The following BMP8B variants were observed in gnomAD, a reference collection of about 807,000 sequenced individuals.
BMP8B encodes bone morphogenetic protein 8 (osteogenic protein 2).
A neutral mutation model predicts 30.3 loss-of-function variants in BMP8B; 17 were observed. That is an observed-to-expected ratio of 0.56 (90% CI 0.38 to 0.84). BMP8B has a LOEUF of 0.84. Among genes scored for constraint, BMP8B ranks in the 40% least tolerant of loss-of-function variants. BMP8B has a pLI of 0.00. For missense variants in BMP8B, 253 were observed against 494.6 expected (o/e 0.51, Z 4.63); for synonymous variants, 131 against 214.7 (o/e 0.61, Z 3.41).
intron 1 of BMP8B, among the ~76,000 whole-genome samples, chr1:39,785,490 T>A (rs1012166389): frequency 5.9e-5 from 9 of 152,230 alleles, no homozygotes; most frequent in African/African-American, 2.2e-4. Context: ...CACGGAGACC[T>A]GAGCCATGGT....
rs1179366728 is a variant in BMP8B at position 39,763,732 on chromosome 1, A to G, written c.928T>C (p.Phe310Leu). The G allele has an allele frequency of 1.9e-6, 3 of 1,602,656 alleles. No individual in the cohort carries two copies. The African/African-American group carries it at 4.1e-5, about 22-fold the overall frequency. Residue 310 changes from phenylalanine to leucine, a missense_variant, in exon 5 of 7, where the codon TTC (phenylalanine) becomes CTC (leucine). Physicochemically the swap from Phe to Leu is conservative, Grantham distance 22. Around this residue, in one of 7 missense-constraint regions of BMP8B, gnomAD observed 116 missense variants for 142.3 expected, o/e 0.81. Transcript: ENST00000372827. Reference sequence around the variant, plus strand: ...ATTACCAGCCAGCCGAGGTCCTGGAAGCTGACGTAGAGCTCGTGCCGACGG... The same window carrying G: ...ATTACCAGCCAGCCGAGGTCCTGGAGGCTGACGTAGAGCTCGTGCCGACGG... ...VCRRHELYVSFQDLGWLDWVI... is the reference protein window; with the variant it reads ...VCRRHELYVSLQDLGWLDWVI...
chr1:39,761,479 G>A (rs1648973231), intron 6 of BMP8B: 1 of 151,968 alleles, frequency 6.6e-6, no homozygotes, highest in African/African-American at 2.4e-5. Flanking sequence ...CCTTCTGGAG[G>A]GTGACATGGA....
intron 1 of BMP8B, among the ~76,000 whole-genome samples, chr1:39,787,658 G>T (rs1158806265): frequency 7.9e-5 from 12 of 152,008 alleles, no homozygotes; most frequent in Non-Finnish European, 8.8e-5. Flanking sequence ...CCTGACAGCC[G>T]CACCCCACCC....
At chr1:39,762,310 G>A (rs1187951930) in intron 6 of BMP8B, 10 of 539,010 alleles carry the variant, frequency 1.9e-5, no homozygotes, top group Non-Finnish European at 3.2e-5. Context: ...CGTGTGCTGC[G>A]ATTACAGGGT....
At chr1:39,774,810 G>T in intron 2 of BMP8B, 39 bp downstream of exon 2, 1 of 525,896 alleles carries the variant, frequency 1.9e-6, no homozygotes, top group Non-Finnish European at 3.2e-6. Flanking sequence ...ACTGTGAGGT[G>T]GGGGGTTAGG....
intron 4 of BMP8B, among the ~76,000 whole-genome samples, chr1:39,764,250 GC>G (rs1569794238): frequency 6.6e-6 from 1 of 152,182 alleles, no homozygotes; most frequent in East Asian, 1.9e-4. Context: ...GAAGGGCTTG[GC>G]CCAGTTGGGG....
chr1:39,772,068 G>GA (rs1650010289), intron 3 of BMP8B, among the ~76,000 whole-genome samples: 1 of 101,922 alleles, frequency 9.8e-6, no homozygotes, highest in African/African-American at 4.2e-5. Flanking sequence ...AAAGGTTCTG[G>GA]AAAGAGCTGT....
At chr1:39,783,836 G>C (rs544157450) in intron 1 of BMP8B, among the ~76,000 whole-genome samples, 2 of 152,366 alleles carry the variant, frequency 1.3e-5, no homozygotes, top group East Asian at 3.9e-4. Flanking sequence ...CTTGAGGCCA[G>C]GAGTTTGCAG....
At chr1:39,770,491 G>T in intron 3 of BMP8B, 2 of 1,610,320 alleles carry the variant, frequency 1.2e-6, no homozygotes, top group Non-Finnish European at 1.7e-6. Context: ...TGTCTTCTGG[G>T]GGGAAAGCCC....
In BMP8B at chr1:39,763,867, G is replaced by A. The variant is rs1050555897; in HGVS notation, c.869-76C>T. 6.8e-6 allele frequency: 10 copies of A among 1,472,572 alleles called. No individual in the cohort carries two copies. In the African/African-American group the frequency reaches 1.5e-4, roughly 22 times the overall value. The allele number at this position is 1,472,572 out of a possible 1,614,324, so 91.2% of individuals were successfully genotyped here. On this transcript the variant is annotated intron_variant, in intron 4 of 6. Transcript: ENST00000372827. ...GCTACTATGGGGTACCAGGGTGGGG[G>A]ATGCCCTGATGAGCACATTTGTCAA...
intron 3 of BMP8B, 34 bp from the exon 4 acceptor site, chr1:39,764,851 G>T: frequency 6.2e-7 from 1 of 1,604,296 alleles, no homozygotes; most frequent in African/African-American, 1.4e-5. Context: ...TCACTCACGG[G>T]CAGTGGCCCT....
rs1432507259 is a variant in BMP8B at position 39,758,777 on chromosome 1, C to G, written c.*1642G>C. 4 of 152,294 alleles carry G rather than the reference C, an allele frequency of 2.6e-5. No individual in the cohort carries two copies. 9.4% of individuals were successfully genotyped at this position (152,294 alleles called of 1,614,324 possible). A position where few individuals can be genotyped will look rare whatever the true frequency, so the allele number is the denominator to read the frequency against. Reference sequence around the variant, plus strand: ...GATAGGGAATTCTCCAACTTCCAGACAGCCTGGGGCTGCCCTTTGCGTACA... The same window carrying G: ...GATAGGGAATTCTCCAACTTCCAGAGAGCCTGGGGCTGCCCTTTGCGTACA... On this transcript the variant is annotated 3_prime_UTR_variant, in exon 7 of 7. Coordinates refer to ENST00000372827, the MANE Select transcript of BMP8B (RefSeq NM_001720.5).
intron 3 of BMP8B, among the ~76,000 whole-genome samples, chr1:39,766,871 GGGT>G (rs1182611791): frequency 6.6e-5 from 10 of 151,344 alleles, no homozygotes; most frequent in African/African-American, 2.2e-4. Flanking sequence ...AGCCTGAGTG[GGGT>G]GGTGGTGGTC....
intron 1 of BMP8B, among the ~76,000 whole-genome samples, chr1:39,777,782 G>C (rs888911957): frequency 6.6e-6 from 1 of 152,020 alleles, no homozygotes; most frequent in Non-Finnish European, 1.5e-5. Context: ...CCCACAGGAA[G>C]AGTGTCCCAG....
Position 39,788,342 on chromosome 1 carries a change from G to T in BMP8B, c.144C>A (p.Ile48=). 1 of 1,195,704 alleles carries T rather than the reference G, an allele frequency of 8.4e-7. No individual in the cohort carries two copies. The highest frequency in any genetic ancestry group is 1.0e-6 in the Non-Finnish European group (1 of 968,724). The allele number at this position is 1,195,704 out of a possible 1,614,324, so 74.1% of individuals were successfully genotyped here. Residue 48 remains isoleucine, a synonymous_variant, in exon 1 of 7, where the codon ATC becomes ATA. Coordinates refer to ENST00000372827, the MANE Select transcript of BMP8B (RefSeq NM_001720.5). The surrounding 1 kb of genome is among the most constrained non-coding windows in gnomAD (Gnocchi z 5.8). ...ARERRDVQRE[I]LAVLGLPGRP... is the part of the protein sequence containing the mutation. ...GCCCAGGCAGCCCGAGCACCGCCAG[G>T]ATCTCGCGCTGCACGTCCCGGCGCT...
chr1:39,762,971 A>AAC, intron 6 of BMP8B, 121 bp downstream of exon 6: 5 of 1,264,866 alleles, frequency 4.0e-6, no homozygotes, highest in Non-Finnish European at 5.7e-6. Flanking sequence ...CTGACTGTGC[A>AAC]GACAAAGCCC....
At chr1:39,777,163 A>G (rs1401096605) in intron 1 of BMP8B, among the ~76,000 whole-genome samples, 11 of 152,242 alleles carry the variant, frequency 7.2e-5, no homozygotes, top group Non-Finnish European at 1.0e-4. Context: ...CCAAAGATGT[A>G]TTGGCAAAAA....
In BMP8B at chr1:39,788,204, G is replaced by C. The variant is rs1295373461; in HGVS notation, c.282C>G (p.Pro94=). 6.4e-7 allele frequency: 1 copy of C among 1,574,310 alleles called. No individual in the cohort carries two copies. Among genetic ancestry groups the C allele is most frequent in the Non-Finnish European group, 8.5e-7 (1 of 1,169,712 alleles). The change falls in exon 1 of 7, where the codon CCC becomes CCG. Residue 94 remains proline (P), a synonymous_variant. Transcript: ENST00000372827. The surrounding 1 kb of genome is among the most constrained non-coding windows in gnomAD (Gnocchi z 5.8). ...MAGDDDEDGA[P]AERRLGRADL... is the part of the protein sequence containing the mutation. ...CGGCGCGGCCCAGGCGCCGCTCCGC[G>C]GGCGCGCCGTCCTCGTCGTCGTCGC... is the stretch of plus-strand genomic sequence containing the variant.
chr1:39,785,260 G>A (rs1367735471), intron 1 of BMP8B, among the ~76,000 whole-genome samples: 3 of 131,182 alleles, frequency 2.3e-5, no homozygotes, highest in African/African-American at 8.6e-5. Flanking sequence ...CAAGAACCTG[G>A]GTCCTGCCTC....
Sources: allele counts gnomAD v4.1 joint callset (sites outside exome capture counted in the v4.1 genomes callset), GRCh38; gene constraint gnomAD v4.1.1; regional missense constraint gnomAD v4.1.1; non-coding constraint Gnocchi (gnomAD v3.1); transcripts MANE v1.5; gene names NCBI Gene and HGNC (gene_info 2026-07-23, HGNC 2026-07-21).